SAMD12: variants seen among roughly 807,000 people sequenced by gnomAD.
The protein encoded by SAMD12 is sterile alpha motif domain containing 12, also known as sterile alpha motif domain-containing protein 12.
In SAMD12, 9 loss-of-function variants were observed where a neutral mutation model predicts 15.0. The ratio of observed to expected loss-of-function variants is 0.60; its 90% confidence interval spans 0.36 to 1.05. The LOEUF (loss-of-function observed/expected upper bound fraction) is 1.05. Among genes scored for constraint, SAMD12 ranks in the 50% least tolerant of loss-of-function variants. The probability of loss-of-function intolerance (pLI) is 0.01; values close to 1 mark genes in which losing one functional copy is unlikely to be tolerated. For missense variants in SAMD12, 230 were observed against 234.2 expected, an observed-to-expected ratio of 0.98 and a Z score of 0.12; for synonymous variants, 86 against 90.1, an observed-to-expected ratio of 0.96 and a Z score of 0.25.
intron 2 of SAMD12, among the ~76,000 whole-genome samples, chr8:118,568,395 G>A (rs533670689): frequency 1.3e-5 from 2 of 152,312 alleles, no homozygotes; most frequent in Non-Finnish European, 2.9e-5. Context: ...GATCATGCAG[G>A]ATCTGGTAGG....
At chr8:118,134,269 A>C in the SAMD12 span, among the ~76,000 whole-genome samples, 1 of 152,200 alleles carries the variant, frequency 6.6e-6, no homozygotes, top group Non-Finnish European at 1.5e-5. Context: ...GGAAAGCAAG[A>C]CCATTCTAGC....
chr8:118,157,295 C>T, the SAMD12 span, among the ~76,000 whole-genome samples: 40,244 of 151,806 alleles, frequency 0.27, 5,408 homozygotes, highest in Admixed American at 0.32. Flanking sequence ...TGGCTCTCTG[C>T]GGGTAACTTA....
intron 1 of SAMD12, among the ~76,000 whole-genome samples, chr8:118,599,119 C>T (rs1827793513): frequency 6.6e-6 from 1 of 152,178 alleles, no homozygotes; most frequent in South Asian, 2.1e-4. Context: ...GAGGTATACA[C>T]AGAGCTTCAA....
chr8:118,373,676 T>C (rs980146468), downstream of SAMD12, among the ~76,000 whole-genome samples: 8 of 152,158 alleles, frequency 5.3e-5, no homozygotes, highest in Admixed American at 2.0e-4. Context: ...AAACATACTA[T>C]TCTTTTTTCA....
At chr8:118,257,708 T>TTAGCC (rs1339608348) in intron 4 of SAMD12, among the ~76,000 whole-genome samples, 2 of 152,038 alleles carry the variant, frequency 1.3e-5, no homozygotes, top group East Asian at 3.9e-4. Context: ...CTGATCAGTC[T>TTAGCC]TAGCCTTCTT....
At position 118,507,558 on chromosome 8, in the gene SAMD12, A is replaced by G. The variant is rs78743687; in HGVS notation, c.193-67597T>C. ...TAATTTGTTCAAGATCTCAGACTTA[A>G]TTGGGATTCAAATGCTGAACTATGA... On this transcript the variant is annotated intron_variant, in intron 2 of 3. Transcript: ENST00000314727. 3.9e-5 allele frequency among the ~76,000 whole-genome samples: 6 copies of G among 152,306 alleles called. 1 individual carries two copies. The East Asian group carries it at 1.2e-3, about 29-fold the overall frequency.
exon 5 of SAMD12, chr8:118,197,680 C>T: frequency 1.2e-5 from 19 of 1,601,656 alleles, no homozygotes; most frequent in Non-Finnish European, 1.6e-5. Context: ...TATCAACTGG[C>T]AGGACAGCAG....
intron 1 of SAMD12, among the ~76,000 whole-genome samples, chr8:118,604,648 G>C (rs935959265): frequency 1.3e-5 from 2 of 152,194 alleles, no homozygotes; most frequent in African/African-American, 4.8e-5. Context: ...TCTGCCGGGC[G>C]CGGTGGCTCG....
At chr8:118,544,006 A>C (rs1453987376) in intron 2 of SAMD12, among the ~76,000 whole-genome samples, 1 of 152,164 alleles carries the variant, frequency 6.6e-6, no homozygotes, top group Non-Finnish European at 1.5e-5. Flanking sequence ...TATAGAACAA[A>C]GTATAAGCTC....
At chr8:118,209,175 G>C (rs1176868236) in intron 4 of SAMD12, among the ~76,000 whole-genome samples, 1 of 152,124 alleles carries the variant, frequency 6.6e-6, no homozygotes, top group Non-Finnish European at 1.5e-5. Context: ...TTGCCCTTTG[G>C]TCTGGAACAC....
At chr8:118,447,812 G>A (rs758278547) in intron 2 of SAMD12, among the ~76,000 whole-genome samples, 11 of 150,928 alleles carry the variant, frequency 7.3e-5, no homozygotes, top group African/African-American at 2.0e-4. Flanking sequence ...TTCAAGCTCC[G>A]CCTCCCGGGT....
chr8:118,392,914 G>C (rs73327541), intron 3 of SAMD12, among the ~76,000 whole-genome samples: 4,321 of 152,124 alleles, frequency 0.028, 188 homozygotes, highest in African/African-American at 0.095. Context: ...AACTACCCCT[G>C]GTTGAGAACC....
intron 4 of SAMD12, among the ~76,000 whole-genome samples, chr8:118,353,515 A>G (rs933458948): frequency 3.9e-5 from 6 of 152,042 alleles, no homozygotes; most frequent in Admixed American, 3.9e-4. Flanking sequence ...CAAATGAGGA[A>G]GAAGGGCCTC....
At chr8:118,607,847 T>A (rs1330401809) in intron 1 of SAMD12, among the ~76,000 whole-genome samples, 3 of 152,212 alleles carry the variant, frequency 2.0e-5, no homozygotes, top group African/African-American at 7.2e-5. Flanking sequence ...CTACTACATC[T>A]AAATTCCTGG....
Position 118,379,560 on chromosome 8 carries a change from C to T in SAMD12, c.463G>A (p.Gly155Ser). The T allele has an allele frequency of 6.2e-7, 1 of 1,613,892 alleles. No individual in the cohort carries two copies. The highest frequency in any genetic ancestry group is 1.3e-5 in the African/African-American group (1 of 75,014). ...CACCCATCAGGAAGCAATAGGGTAC[C>T]TTGTGTGAGTAACTGTAGATTTCTG... The part of the protein sequence containing the change: ...EVRNLQLLTQ[G>S]TLLLPDGWMD... Residue 155 changes from glycine to serine, a missense_variant, in exon 4 of 4, where the codon GGT (glycine) becomes AGT (serine). Physicochemically the swap from Gly to Ser is moderately conservative, Grantham distance 56. Transcript: ENST00000314727.
chr8:118,152,449 TCCC>T, the SAMD12 span, among the ~76,000 whole-genome samples: 4 of 128,332 alleles, frequency 3.1e-5, no homozygotes, highest in African/African-American at 1.2e-4. Flanking sequence ...CCTTCCTCCC[TCCC>T]TCCCTACCTT....
intron 4 of SAMD12, among the ~76,000 whole-genome samples, chr8:118,323,051 C>T (rs1471593962): frequency 1.3e-5 from 2 of 151,996 alleles, no homozygotes; most frequent in African/African-American, 4.8e-5. Context: ...TGTTGAAGGC[C>T]CTTTAGTCAG....
chr8:118,246,755 G>T (rs2129993089), intron 4 of SAMD12, among the ~76,000 whole-genome samples: 1 of 152,230 alleles, frequency 6.6e-6, no homozygotes, highest in African/African-American at 2.4e-5. Context: ...GGGATACAGG[G>T]AATGATTTCT....
At chr8:118,199,837 G>T (rs1405157525) in intron 4 of SAMD12, among the ~76,000 whole-genome samples, 1 of 152,150 alleles carries the variant, frequency 6.6e-6, no homozygotes, top group Non-Finnish European at 1.5e-5. Context: ...TTGAAGCCCA[G>T]AAGTATTATT....
Sources: gnomAD v4.1 joint callset for allele counts (sites outside exome capture counted in the v4.1 genomes callset) on GRCh38, gnomAD v4.1.1 for gene constraint, MANE v1.5 for transcripts, NCBI Gene and HGNC (gene_info 2026-07-23, HGNC 2026-07-21) for gene names.